The following PARD3B variants were observed in gnomAD, a reference collection of about 807,000 sequenced individuals.
PARD3B encodes the protein partitioning defective 3 homolog B.
A neutral mutation model predicts 130.2 loss-of-function variants in PARD3B; 103 were observed. The ratio of observed to expected loss-of-function variants is 0.79; its 90% CI spans 0.67 to 0.93. The LOEUF is 0.93. Among genes scored for constraint, PARD3B ranks in the 40% least tolerant of loss-of-function variants. The probability of loss-of-function intolerance (pLI) is 0.00; values close to 1 mark genes in which losing one functional copy is unlikely to be tolerated. For missense variants in PARD3B, 1,609 were observed against 1,499.2 expected (o/e 1.07, Z -1.21); for synonymous variants, 583 against 553.2 (o/e 1.05, Z -0.76).
intron 19 of PARD3B, among the ~76,000 whole-genome samples, chr2:205,416,383 C>T (rs2046776078): frequency 6.6e-6 from 1 of 152,116 alleles, no homozygotes; most frequent in African/African-American, 2.4e-5. Context: ...TGAATGATTA[C>T]ATACTACCTG....
chr2:204,711,605 G>A (rs1413644943), intron 2 of PARD3B, among the ~76,000 whole-genome samples: 1 of 151,822 alleles, frequency 6.6e-6, no homozygotes, highest in Non-Finnish European at 1.5e-5. Flanking sequence ...GAGCACAGTG[G>A]CACGATCTTG....
chr2:205,135,559 A>T (rs2032406938), intron 10 of PARD3B, among the ~76,000 whole-genome samples: 1 of 131,910 alleles, frequency 7.6e-6, no homozygotes, highest in African/African-American at 2.8e-5. Flanking sequence ...AAAGAATATC[A>T]GCTTAAGATC....
chr2:205,147,279 G>T (rs1454526141), intron 10 of PARD3B, among the ~76,000 whole-genome samples: 1 of 152,046 alleles, frequency 6.6e-6, no homozygotes. Flanking sequence ...AAACTTCCTT[G>T]TGTCACTAAA....
chr2:205,571,975 G>A (rs888692698), intron 22 of PARD3B, among the ~76,000 whole-genome samples: 5 of 152,212 alleles, frequency 3.3e-5, no homozygotes, highest in African/African-American at 1.2e-4. Flanking sequence ...CACATGATTT[G>A]TGTTAACTGG....
In PARD3B at chr2:205,253,377, G is replaced by A. The variant is rs926888273; in HGVS notation, c.2185+7555G>A. ...GGAAATGCTGGGACTGTGGGTCAGT[G>A]CTGACACACCCATGGCCATACGTTT... is the stretch of plus-strand genomic sequence containing the variant. On this transcript the variant is annotated intron_variant, in intron 16 of 22. Coordinates refer to ENST00000406610, the MANE Select transcript of PARD3B (RefSeq NM_001302769.2). This position sits in a 1 kb window ranked among gnomAD's most constrained non-coding sequence, Gnocchi z 4.4. 1 of 566,138 alleles carries A rather than the reference G, an allele frequency of 1.8e-6. No individual in the cohort carries two copies. Among genetic ancestry groups the A allele is most frequent in the Admixed American group, 1.9e-5 (1 of 52,292 alleles). The allele number at this position is 566,138 out of a possible 1,614,324, so 35.1% of individuals were successfully genotyped here. A position where few individuals can be genotyped will look rare whatever the true frequency, so the allele number is the denominator to read the frequency against.
chr2:204,636,357 A>G (rs572392938), intron 1 of PARD3B, among the ~76,000 whole-genome samples: 1 of 152,194 alleles, frequency 6.6e-6, no homozygotes, highest in Non-Finnish European at 1.5e-5. Flanking sequence ...TTATCCAGCT[A>G]GATACAAGTG....
At chr2:205,064,545 T>C (rs1700246401) in intron 4 of PARD3B, among the ~76,000 whole-genome samples, 1 of 152,066 alleles carries the variant, frequency 6.6e-6, no homozygotes, top group African/African-American at 2.4e-5. Flanking sequence ...GCAATGGGGG[T>C]GTGGGGAATG....
At chr2:205,049,461 C>T (rs1575639109) in intron 4 of PARD3B, among the ~76,000 whole-genome samples, 1 of 152,094 alleles carries the variant, frequency 6.6e-6, no homozygotes, top group Admixed American at 6.6e-5. Context: ...CACAGGGTAC[C>T]TCCCCCAACA....
chr2:205,554,654 T>C (rs1374892152), intron 22 of PARD3B, among the ~76,000 whole-genome samples: 2 of 152,206 alleles, frequency 1.3e-5, no homozygotes, highest in South Asian at 4.1e-4. Context: ...TTCACATCCA[T>C]GGATTCGATC....
chr2:204,760,356 A>G (rs2040846912), intron 2 of PARD3B, among the ~76,000 whole-genome samples: 1 of 152,072 alleles, frequency 6.6e-6, no homozygotes, highest in African/African-American at 2.4e-5. Context: ...TCTCTTGTAT[A>G]CAAACAATGG....
intron 16 of PARD3B, among the ~76,000 whole-genome samples, chr2:205,250,890 C>T (rs1184243186): frequency 1.3e-5 from 2 of 152,118 alleles, no homozygotes; most frequent in African/African-American, 4.8e-5. Context: ...GATCACACCA[C>T]TGTGCCCCAG....
chr2:204,886,985 C>T (rs1007829946), intron 2 of PARD3B, among the ~76,000 whole-genome samples: 2 of 152,108 alleles, frequency 1.3e-5, no homozygotes, highest in Admixed American at 6.6e-5. Context: ...TTTTCAAAGG[C>T]CCACAGGGTA....
At chr2:205,252,000 T>C (rs560560917) in intron 16 of PARD3B, among the ~76,000 whole-genome samples, 15 of 152,294 alleles carry the variant, frequency 9.8e-5, no homozygotes, top group Non-Finnish European at 1.8e-4. Flanking sequence ...GTTAGCAATA[T>C]GTCTAGCGTT....
At chr2:205,552,633 T>G (rs1374890917) in intron 21 of PARD3B, among the ~76,000 whole-genome samples, 1 of 152,032 alleles carries the variant, frequency 6.6e-6, no homozygotes, top group African/African-American at 2.4e-5. Context: ...GGTCTCAGAC[T>G]CCAGACCTCA....
At chr2:204,916,372 T>C (rs1200240125) in intron 2 of PARD3B, among the ~76,000 whole-genome samples, 2 of 152,220 alleles carry the variant, frequency 1.3e-5, no homozygotes, top group Non-Finnish European at 2.9e-5. Context: ...TTCCCAATCA[T>C]GTATAGCATT....
chr2:205,388,121 G>A lies in PARD3B; in HGVS notation c.2631-12892G>A, dbSNP rs1396763540. On this transcript the variant is annotated intron_variant, in intron 18 of 22. Transcript: ENST00000406610. ...GCTCACCAGAGACCCCATCTGGAAT[G>A]TTCCACTCAGAGGCTCAGACCTCTG... is the stretch of plus-strand genomic sequence containing the variant. Among the ~76,000 whole-genome samples the A allele has an allele frequency of 6.6e-5, 10 of 152,318 alleles. No individual in the cohort carries two copies. The East Asian group carries it at 1.3e-3, about 21-fold the overall frequency.
At chr2:205,275,146 C>T (rs1006603484) in intron 16 of PARD3B, among the ~76,000 whole-genome samples, 1 of 151,652 alleles carries the variant, frequency 6.6e-6, no homozygotes, top group Non-Finnish European at 1.5e-5. Context: ...CAAATCAAAC[C>T]CAAGGCCACT....
At chr2:205,476,943 G>A (rs1288909694) in intron 20 of PARD3B, among the ~76,000 whole-genome samples, 1 of 152,142 alleles carries the variant, frequency 6.6e-6, no homozygotes. Context: ...GTAGTGTAAT[G>A]AAAACATCTG....
intron 2 of PARD3B, among the ~76,000 whole-genome samples, chr2:204,716,646 G>A (rs1404553865): frequency 2.7e-5 from 4 of 146,668 alleles, no homozygotes; most frequent in East Asian, 2.0e-4. Flanking sequence ...TTTTTGAGAC[G>A]GAGTCTTGCT....
Sources: gnomAD v4.1 joint callset for allele counts (sites outside exome capture counted in the v4.1 genomes callset) on GRCh38, gnomAD v4.1.1 for gene constraint, Gnocchi (gnomAD v3.1) non-coding constraint, MANE v1.5 for transcripts, NCBI Gene and HGNC (gene_info 2026-07-23, HGNC 2026-07-21) for gene names.